ANO4: variants seen among roughly 807,000 people sequenced by gnomAD.
ANO4 encodes anoctamin-4.
A neutral mutation model predicts 141.9 loss-of-function variants in ANO4; 69 were observed. That is an observed-to-expected ratio of 0.49 (90% CI 0.40 to 0.59). The LOEUF (loss-of-function observed/expected upper bound fraction) is 0.59. Ranked by LOEUF, ANO4 falls within the 20% of genes least tolerant of loss-of-function variation. The probability of loss-of-function intolerance (pLI) is 0.00; values close to 1 mark genes in which losing one functional copy is unlikely to be tolerated. For missense variants in ANO4, 894 were observed against 1,162.2 expected (o/e 0.77, Z 3.36); for synonymous variants, 350 against 394.3 (o/e 0.89, Z 1.33).
At chr12:100,926,776 G>A (rs1305190660) in intron 3 of ANO4, among the ~76,000 whole-genome samples, 3 of 151,830 alleles carry the variant, frequency 2.0e-5, no homozygotes, top group African/African-American at 7.3e-5. Context: ...TTTTCTGAAA[G>A]CCTGAGCTTC....
chr12:101,063,953 T>C (rs1254478780), intron 14 of ANO4, among the ~76,000 whole-genome samples: 1 of 151,846 alleles, frequency 6.6e-6, no homozygotes, highest in African/African-American at 2.4e-5. Context: ...ATCAGTTCTA[T>C]TGATCTTTTA....
At chr12:101,108,796 T>A (rs2137005995) in intron 22 of ANO4, among the ~76,000 whole-genome samples, 1 of 152,314 alleles carries the variant, frequency 6.6e-6, no homozygotes, top group South Asian at 2.1e-4. Flanking sequence ...AAAATTTTTA[T>A]TTTGCAAGTT....
intron 2 of ANO4, among the ~76,000 whole-genome samples, chr12:100,912,810 A>G (rs2041173107): frequency 6.6e-6 from 1 of 152,198 alleles, no homozygotes; most frequent in Non-Finnish European, 1.5e-5. Context: ...AATTGTATGG[A>G]AAAAGCGACA....
chr12:100,764,083 A>C (rs1021123957), intron 3 of ANO4, among the ~76,000 whole-genome samples: 1 of 152,202 alleles, frequency 6.6e-6, no homozygotes, highest in African/African-American at 2.4e-5. Flanking sequence ...CAAGATCTCA[A>C]GTAGTGTGTA....
At chr12:100,998,422 A>G (rs1026282222) in intron 8 of ANO4, among the ~76,000 whole-genome samples, 1 of 125,928 alleles carries the variant, frequency 7.9e-6, no homozygotes, top group African/African-American at 3.1e-5. Context: ...TATCCATCCT[A>G]TTAGTTCTGT....
At chr12:100,926,535 A>G (rs1349575939) in intron 3 of ANO4, among the ~76,000 whole-genome samples, 1 of 152,144 alleles carries the variant, frequency 6.6e-6, no homozygotes, top group African/African-American at 2.4e-5. Flanking sequence ...TTGGTGTTCA[A>G]CAGGAAAACA....
chr12:100,912,311 C>T (rs1046709718), intron 2 of ANO4, among the ~76,000 whole-genome samples: 1 of 147,058 alleles, frequency 6.8e-6, no homozygotes, highest in African/African-American at 2.5e-5. Context: ...AGGAGAATCG[C>T]TTGAACCTGG....
chr12:100,942,630 A>T, intron 5 of ANO4, 95 bp downstream of exon 5: 1 of 1,317,306 alleles, frequency 7.6e-7, no homozygotes, highest in Non-Finnish European at 1.0e-6. Flanking sequence ...TGTTAACCAA[A>T]CATTTCATTT....
chr12:100,774,439 G>T (rs1213023391), intron 3 of ANO4, among the ~76,000 whole-genome samples: 2 of 152,094 alleles, frequency 1.3e-5, no homozygotes, highest in African/African-American at 2.4e-5. Context: ...TAATTGAATA[G>T]AAAAAGAGAT....
chr12:100,830,616 G>C (rs1036123684), intron 1 of ANO4, among the ~76,000 whole-genome samples: 4 of 151,918 alleles, frequency 2.6e-5, no homozygotes, highest in Non-Finnish European at 5.9e-5. Context: ...ACTGCTTCTT[G>C]GGTAATAATG....
At chr12:100,966,289 T>C (rs1032293016) in intron 5 of ANO4, among the ~76,000 whole-genome samples, 3 of 152,224 alleles carry the variant, frequency 2.0e-5, no homozygotes, top group African/African-American at 7.2e-5. Context: ...CATTATGCCA[T>C]TTAATACGAT....
intron 2 of ANO4, among the ~76,000 whole-genome samples, chr12:100,906,868 T>G (rs570109633): frequency 6.6e-6 from 1 of 152,120 alleles, no homozygotes; most frequent in Non-Finnish European, 1.5e-5. Flanking sequence ...GCCAGGGCTA[T>G]TGGAGAAAAA....
intron 8 of ANO4, among the ~76,000 whole-genome samples, chr12:100,993,435 ATGAGGAAAG>A (rs1253859783): frequency 6.6e-6 from 1 of 152,148 alleles, no homozygotes; most frequent in Non-Finnish European, 1.5e-5. Context: ...CAATTTACGG[ATGAGGAAAG>A]TGAGGAACAA....
rs77337216 is a variant in ANO4 at position 100,828,138 on chromosome 12, G to C, written c.-141+33111G>C. Among the ~76,000 whole-genome samples the C allele has an allele frequency of 2.2e-4, 33 of 152,100 alleles. No individual in the cohort carries two copies. The East Asian group carries it at 6.0e-3, about 28-fold the overall frequency. Reference sequence around the variant, plus strand: ...TAGGGTCCACTGTCTCATTGGGCTTGGCAAGAAGTCTGGTCTACCTACCTT... The same window carrying C: ...TAGGGTCCACTGTCTCATTGGGCTTCGCAAGAAGTCTGGTCTACCTACCTT... On this transcript the variant is annotated intron_variant, in intron 1 of 27. Transcript: ENST00000392977.
chr12:101,105,077 A>G (rs73156649), intron 22 of ANO4, among the ~76,000 whole-genome samples: 1 of 152,086 alleles, frequency 6.6e-6, no homozygotes, highest in East Asian at 1.9e-4. Flanking sequence ...GCTAACCTTA[A>G]AACCTTTCAA....
chr12:100,885,945 TA>T (rs1364519974), intron 1 of ANO4, among the ~76,000 whole-genome samples: 9 of 152,188 alleles, frequency 5.9e-5, no homozygotes, highest in African/African-American at 2.2e-4. Flanking sequence ...AAGCTGAACT[TA>T]ACATCTTGCC....
chr12:100,882,857 G>A (rs2039637307), intron 1 of ANO4, among the ~76,000 whole-genome samples: 1 of 151,392 alleles, frequency 6.6e-6, no homozygotes. Flanking sequence ...CCGCCACTGT[G>A]CCTGGCTAAG....
intron 5 of ANO4, among the ~76,000 whole-genome samples, chr12:100,967,448 G>A (rs1048350077): frequency 1.3e-5 from 2 of 151,910 alleles, no homozygotes; most frequent in African/African-American, 2.4e-5. Context: ...TATTTCTCAG[G>A]GCTGAAGTTC....
chr12:100,912,417 G>A (rs12812086), intron 2 of ANO4, among the ~76,000 whole-genome samples: 499 of 120,606 alleles, frequency 4.1e-3, no homozygotes, highest in Middle Eastern at 4.6e-3. Flanking sequence ...AAAGAAAAAA[G>A]AAAAAAAAAA....
Sources: allele counts gnomAD v4.1 joint callset (sites outside exome capture counted in the v4.1 genomes callset), GRCh38; gene constraint gnomAD v4.1.1; transcripts MANE v1.5; gene names NCBI Gene and HGNC (gene_info 2026-07-23, HGNC 2026-07-21).